The following CDK6 variants were observed in gnomAD, a reference collection of about 807,000 sequenced individuals.
CDK6 encodes cyclin dependent kinase 6.
A neutral mutation model predicts 37.1 loss-of-function variants in CDK6; 6 were observed. The observed-to-expected ratio is 0.16, with a 90% CI of 0.09 to 0.32. CDK6 has a LOEUF of 0.32. Among genes scored for constraint, CDK6 ranks in the 10% least tolerant of loss-of-function variants. CDK6 has a pLI of 1.00. For missense variants in CDK6, 224 were observed against 418.9 expected (o/e 0.53, Z 4.06); for synonymous variants, 160 against 161.3 (o/e 0.99, Z 0.06).
At chr7:92,731,586 T>C (rs1199723807) in intron 3 of CDK6, among the ~76,000 whole-genome samples, 2 of 152,180 alleles carry the variant, frequency 1.3e-5, no homozygotes, top group African/African-American at 4.8e-5. Context: ...CTTCTAATTT[T>C]TACTGCTTCT....
At chr7:92,683,773 T>C (rs1393378029) in intron 4 of CDK6, among the ~76,000 whole-genome samples, 2 of 152,096 alleles carry the variant, frequency 1.3e-5, no homozygotes, top group Non-Finnish European at 2.9e-5. Context: ...AAAGAAAATA[T>C]GCTTCTGAAG....
chr7:92,665,015 G>A (rs895022877), intron 5 of CDK6, among the ~76,000 whole-genome samples: 3 of 152,024 alleles, frequency 2.0e-5, no homozygotes, highest in African/African-American at 7.2e-5. Flanking sequence ...TTGATCTCCT[G>A]ACCTCGTGAT....
Position 92,613,400 on chromosome 7 carries a change from G to T in CDK6, c.*1740C>A. On this transcript the variant is annotated 3_prime_UTR_variant, in exon 8 of 8. Coordinates refer to ENST00000424848, the MANE Select transcript of CDK6 (RefSeq NM_001145306.2). ...GATCTAACTGTTGCATGCACTCTGA[G>T]TCAGAAAGCACAGGTGGCTAAACTT... 1 of 233,620 alleles carries T rather than the reference G, an allele frequency of 4.3e-6. No homozygotes were observed. The highest frequency in any genetic ancestry group is 6.0e-5 in the East Asian group (1 of 16,584). The allele number at this position is 233,620 out of a possible 1,614,324, so 14.5% of individuals were successfully genotyped here.
chr7:92,725,245 C>G (rs1428890519), intron 4 of CDK6: 1 of 985,426 alleles, frequency 1.0e-6, no homozygotes, highest in African/African-American at 1.7e-5. Flanking sequence ...AACCATGATG[C>G]TGCAGACAGG....
chr7:92,739,434 A>G (rs1798867082), intron 3 of CDK6, among the ~76,000 whole-genome samples: 1 of 151,976 alleles, frequency 6.6e-6, no homozygotes, highest in Non-Finnish European at 1.5e-5. Context: ...CAGTTTCTTT[A>G]CTCCCACCAA....
intron 2 of CDK6, among the ~76,000 whole-genome samples, chr7:92,794,074 A>G (rs1025580895): frequency 6.6e-6 from 1 of 152,166 alleles, no homozygotes; most frequent in Non-Finnish European, 1.5e-5. Flanking sequence ...GTCAGTTTCA[A>G]GAAGAAAGAA....
At chr7:92,669,075 A>ACC (rs1490752762) in intron 5 of CDK6, among the ~76,000 whole-genome samples, 1 of 151,932 alleles carries the variant, frequency 6.6e-6, no homozygotes, top group Admixed American at 6.6e-5. Context: ...CATCAAAGGA[A>ACC]CCCTCCCCTG....
At chr7:92,722,775 T>G (rs1444045343) in intron 4 of CDK6, among the ~76,000 whole-genome samples, 1 of 152,164 alleles carries the variant, frequency 6.6e-6, no homozygotes, top group Non-Finnish European at 1.5e-5. Context: ...ATTTCCTGAG[T>G]GCCTATCAAA....
chr7:92,650,421 G>GT (rs199895249), intron 5 of CDK6, among the ~76,000 whole-genome samples: 2,395 of 150,970 alleles, frequency 0.016, 19 homozygotes, highest in Non-Finnish European at 0.02. Flanking sequence ...ATCTTTTGTT[G>GT]TTTTTTTTTG....
At chr7:92,804,070 G>T (rs1800660289) in intron 2 of CDK6, among the ~76,000 whole-genome samples, 2 of 152,094 alleles carry the variant, frequency 1.3e-5, no homozygotes, top group Admixed American at 6.5e-5. Context: ...GGCATGAAAA[G>T]AAAAATATAA....
intron 2 of CDK6, among the ~76,000 whole-genome samples, chr7:92,817,105 T>C (rs1246192964): frequency 6.6e-6 from 1 of 151,900 alleles, no homozygotes; most frequent in Non-Finnish European, 1.5e-5. Context: ...GTAAATTCTG[T>C]TAAATGTTTA....
intron 4 of CDK6, chr7:92,725,233 A>C: frequency 2.0e-6 from 2 of 985,422 alleles, no homozygotes; most frequent in African/African-American, 3.5e-5. Context: ...TCTGTTTCTC[A>C]AAACCATGAT....
At chr7:92,740,822 A>C (rs1426307748) in intron 3 of CDK6, among the ~76,000 whole-genome samples, 1 of 152,212 alleles carries the variant, frequency 6.6e-6, no homozygotes, top group Non-Finnish European at 1.5e-5. Context: ...CCTAACACAC[A>C]CAAGGCCCAT....
At chr7:92,805,712 T>C (rs185718824) in intron 2 of CDK6, among the ~76,000 whole-genome samples, 1 of 152,346 alleles carries the variant, frequency 6.6e-6, no homozygotes, top group East Asian at 1.9e-4. Context: ...AGGCTCCTGG[T>C]ATCCAGAACC....
chr7:92,800,493 G>A (rs1800542538), intron 2 of CDK6, among the ~76,000 whole-genome samples: 3 of 152,202 alleles, frequency 2.0e-5, no homozygotes, highest in South Asian at 4.1e-4. Context: ...GAATGGTCAC[G>A]ATAGCTTTAT....
At chr7:92,707,131 C>T (rs1235868072) in intron 4 of CDK6, among the ~76,000 whole-genome samples, 1 of 152,030 alleles carries the variant, frequency 6.6e-6, no homozygotes, top group Non-Finnish European at 1.5e-5. Flanking sequence ...CTTTACCTGT[C>T]TTCATATTCA....
At chr7:92,825,457 C>A (rs116545881) in intron 2 of CDK6, among the ~76,000 whole-genome samples, 3,647 of 149,836 alleles carry the variant, frequency 0.024, 139 homozygotes, top group African/African-American at 0.083. Flanking sequence ...CATGCACATG[C>A]GTGCACACAC....
chr7:92,659,634 AC>A (rs199640852), intron 5 of CDK6, among the ~76,000 whole-genome samples: 22,172 of 148,052 alleles, frequency 0.15, 2,252 homozygotes, highest in African/African-American at 0.3. Context: ...ACACACACAC[AC>A]CACACACACA....
intron 7 of CDK6, among the ~76,000 whole-genome samples, chr7:92,616,309 T>C (rs1440078530): frequency 6.6e-6 from 1 of 152,172 alleles, no homozygotes; most frequent in Admixed American, 6.5e-5. Flanking sequence ...CCAACTGGAT[T>C]AGGGACCTCT....
Sources: gnomAD v4.1 joint callset for allele counts (sites outside exome capture counted in the v4.1 genomes callset) on GRCh38, gnomAD v4.1.1 for gene constraint, MANE v1.5 for transcripts, NCBI Gene and HGNC (gene_info 2026-07-23, HGNC 2026-07-21) for gene names.